The following MDN1 variants were observed in gnomAD, a reference collection of about 807,000 sequenced individuals.
The protein encoded by MDN1 is midasin AAA ATPase 1.
Under a neutral mutation model 669.2 loss-of-function variants are expected in MDN1, and 266 were observed. That is an observed-to-expected ratio of 0.40 (90% CI 0.36 to 0.44). MDN1 has a LOEUF of 0.44. Among genes scored for constraint, MDN1 ranks in the 20% least tolerant of loss-of-function variants. The pLI is 1.00. For missense variants in MDN1, 5,940 were observed against 6,754.0 expected, an observed-to-expected ratio of 0.88 and a Z score of 4.22; for synonymous variants, 2,385 against 2,457.1, an observed-to-expected ratio of 0.97 and a Z score of 0.87.
chr6:89,788,981 G>A (rs567285028), intron 7 of MDN1, among the ~76,000 whole-genome samples: 14 of 152,138 alleles, frequency 9.2e-5, no homozygotes, highest in African/African-American at 2.6e-4. Flanking sequence ...AAAATTAGCC[G>A]GCCATGGTGG....
intron 1 of MDN1, among the ~76,000 whole-genome samples, chr6:89,804,639 T>C (rs192965539): frequency 4.9e-4 from 74 of 152,234 alleles, no homozygotes; most frequent in African/African-American, 1.7e-3. Context: ...TGAATGAGGA[T>C]ATCCCTATCA....
chr6:89,734,670 GAA>G (rs778207435), intron 33 of MDN1, among the ~76,000 whole-genome samples: 10,322 of 28,116 alleles, frequency 0.37, 673 homozygotes, highest in Non-Finnish European at 0.42. Context: ...AAAGGAAGAA[GAA>G]AAAAAAAAAA....
chr6:89,711,277 C>T (rs1244710944), intron 49 of MDN1, among the ~76,000 whole-genome samples: 3 of 152,100 alleles, frequency 2.0e-5, no homozygotes, highest in Non-Finnish European at 4.4e-5. Flanking sequence ...GGTGGCCCTC[C>T]ATATCTGAGG....
chr6:89,668,830 C>G (rs1037059678), intron 83 of MDN1, among the ~76,000 whole-genome samples: 2 of 152,222 alleles, frequency 1.3e-5, no homozygotes, highest in African/African-American at 4.8e-5. Flanking sequence ...TTAGCACTGT[C>G]TAACCTACTC....
chr6:89,661,673 T>C (rs1302016565), intron 87 of MDN1, 95 bp from the exon 88 acceptor site: 3 of 1,195,858 alleles, frequency 2.5e-6, no homozygotes, highest in Non-Finnish European at 2.3e-6. Context: ...GTATTTACAC[T>C]GTGAGAGAAC....
intron 26 of MDN1, among the ~76,000 whole-genome samples, chr6:89,747,784 C>T (rs1203658887): frequency 6.7e-6 from 1 of 148,886 alleles, no homozygotes; most frequent in Non-Finnish European, 1.5e-5. Context: ...CCAGCTACTC[C>T]AGAGGCTGAG....
At chr6:89,699,057 G>A (rs1315459213) in intron 58 of MDN1, 22 bp from the exon 59 acceptor site, 3 of 1,584,342 alleles carry the variant, frequency 1.9e-6, no homozygotes, top group African/African-American at 2.7e-5. Flanking sequence ...GGAATAATTA[G>A]GTAAGAGAAT....
chr6:89,725,081 G>A (rs1815129372), intron 38 of MDN1, 118 bp downstream of exon 38: 2 of 905,048 alleles, frequency 2.2e-6, no homozygotes, highest in South Asian at 1.6e-5. Context: ...GGACAAGAAA[G>A]AGGATCATTA....
At chr6:89,686,076 T>G (rs1811984235) in intron 69 of MDN1, 103 bp from the exon 70 acceptor site, 1 of 1,113,432 alleles carries the variant, frequency 9.0e-7, no homozygotes, top group Admixed American at 2.4e-5. Context: ...GGCCAAGAGG[T>G]AGACATCACA....
At position 89,740,257 on chromosome 6, in the gene MDN1, C is replaced by A. The variant is rs1228577062; in HGVS notation, c.4570G>T (p.Gly1524Trp). ...KFRILATMNP[G>W]GDFGKKELSP... ...ACCTCCTTTTTTCCAAAGTCACCCC[C>A]AGGGTTCATGGTTGCTAGAATACGA... is the stretch of plus-strand genomic sequence containing the variant. Residue 1524 changes from glycine to tryptophan, a missense_variant, in exon 32 of 102, where the codon GGG (glycine) becomes TGG (tryptophan). Coordinates refer to ENST00000369393, the MANE Select transcript of MDN1 (RefSeq NM_014611.3). 1.2e-6 allele frequency: 2 copies of A among 1,611,834 alleles called. No homozygotes were observed. The highest frequency in any genetic ancestry group is 8.5e-7 in the Non-Finnish European group (1 of 1,179,298).
Position 89,745,378 on chromosome 6 carries a change from C to T in MDN1, c.4073G>A (p.Cys1358Tyr). 6.2e-7 allele frequency: 1 copy of T among 1,614,122 alleles called. No homozygotes were observed. ...AGTCCACACGATATGGCCAAAGTTA[C>T]ACTCCAATGTGGATATCTGAGTAGA... ...KLSTQISTLE[C>Y]NFGHIVWTEG... Residue 1358 changes from cysteine to tyrosine, a missense_variant, in exon 29 of 102, where the codon TGT becomes TAT. This residue lies in a region of MDN1 where 2,292 missense variants were observed against 2,638.3 expected (regional missense o/e 0.87). Coordinates refer to ENST00000369393, the MANE Select transcript of MDN1 (RefSeq NM_014611.3).
At chr6:89,737,651 T>A (rs944143285) in intron 33 of MDN1, among the ~76,000 whole-genome samples, 7 of 152,000 alleles carry the variant, frequency 4.6e-5, no homozygotes, top group East Asian at 1.9e-4. Context: ...ATAAAAATTA[T>A]TTAATTAATT....
chr6:89,778,594 G>C (rs998835240), intron 11 of MDN1, among the ~76,000 whole-genome samples: 2 of 151,874 alleles, frequency 1.3e-5, no homozygotes, highest in Non-Finnish European at 2.9e-5. Flanking sequence ...ATATAAAATG[G>C]CATAGGGTGA....
At chr6:89,745,763 C>G in intron 27 of MDN1, 137 bp from the exon 28 acceptor site, 1 of 821,626 alleles carries the variant, frequency 1.2e-6, no homozygotes, top group Non-Finnish European at 1.9e-6. Context: ...CTAGGACAGC[C>G]TATTACAATT....
Position 89,803,394 on chromosome 6 carries a change from T to C in MDN1, c.263A>G (p.His88Arg), listed in dbSNP as rs773432001. Residue 88 changes from histidine (H) to arginine (R), a missense_variant, in exon 2 of 102, where the codon CAT becomes CGT. Coordinates refer to ENST00000369393, the MANE Select transcript of MDN1 (RefSeq NM_014611.3). Reference sequence around the variant, plus strand: ...CACACATAGCCGTTCATGCAGATCATGGTTGATTTGGCCTCCAGCTTTAAT... The same window carrying C: ...CACACATAGCCGTTCATGCAGATCACGGTTGATTTGGCCTCCAGCTTTAAT... ...EAIKAGGQIN[H>R]DLHERLCVSM... 10 of 1,614,096 alleles carry C rather than the reference T, an allele frequency of 6.2e-6. No homozygotes were observed. The South Asian group carries it at 6.6e-5, about 11-fold the overall frequency.
Position 89,681,108 on chromosome 6 carries a change from G to A in MDN1, c.12103-357C>T, listed in dbSNP as rs531061984. 1.5e-3 allele frequency among the ~76,000 whole-genome samples: 222 copies of A among 152,192 alleles called. 2 individuals carry two copies. The highest frequency in any genetic ancestry group is 4.9e-3 in the African/African-American group (204 of 41,514). On this transcript the variant is annotated intron_variant, in intron 73 of 101. Coordinates refer to ENST00000369393, the MANE Select transcript of MDN1 (RefSeq NM_014611.3). ...TGTTTCTCAGACACAGCAGCCAGGCGAAACTGGTCCTACTCCTGTGACCAG... is the reference window on the plus strand; with the variant it reads ...TGTTTCTCAGACACAGCAGCCAGGCAAAACTGGTCCTACTCCTGTGACCAG...
chr6:89,786,127 T>C (rs1818944213), intron 8 of MDN1, among the ~76,000 whole-genome samples: 3 of 151,910 alleles, frequency 2.0e-5, no homozygotes, highest in Admixed American at 2.0e-4. Flanking sequence ...ACAGGCGTGG[T>C]GCGTGCCTGT....
intron 84 of MDN1, among the ~76,000 whole-genome samples, chr6:89,666,996 T>C (rs916403314): frequency 1.3e-5 from 2 of 152,216 alleles, no homozygotes; most frequent in Non-Finnish European, 2.9e-5. Context: ...TGTGTAGACA[T>C]ATATACACAC....
chr6:89,760,527 C>T (rs946742077), intron 17 of MDN1, among the ~76,000 whole-genome samples: 1 of 152,084 alleles, frequency 6.6e-6, no homozygotes, highest in African/African-American at 2.4e-5. Context: ...GTCTGCAATC[C>T]CCTGTTCATT....
Sources: allele counts gnomAD v4.1 joint callset (sites outside exome capture counted in the v4.1 genomes callset), GRCh38; gene constraint gnomAD v4.1.1; regional missense constraint gnomAD v4.1.1; transcripts MANE v1.5; gene names NCBI Gene and HGNC (gene_info 2026-07-23, HGNC 2026-07-21).